Variants in ENKUR observed in about 807,000 individuals in gnomAD.
The protein encoded by ENKUR is enkurin.
Under a neutral mutation model 27.6 loss-of-function variants are expected in ENKUR, and 19 were observed. The ratio of observed to expected loss-of-function variants is 0.69; its 90% CI spans 0.48 to 1.01. ENKUR has a LOEUF of 1.01. Among genes scored for constraint, ENKUR ranks in the 50% least tolerant of loss-of-function variants. The probability of loss-of-function intolerance (pLI) is 0.00; values close to 1 mark genes in which losing one functional copy is unlikely to be tolerated. For missense variants in ENKUR, 312 were observed against 310.5 expected (o/e 1.00, Z -0.04); for synonymous variants, 117 against 96.9 (o/e 1.21, Z -1.22).
intron 4 of ENKUR, among the ~76,000 whole-genome samples, chr10:24,989,596 A>G (rs1476757718): frequency 6.6e-6 from 1 of 152,246 alleles, no homozygotes; most frequent in Non-Finnish European, 1.5e-5. Flanking sequence ...AGATATTTTA[A>G]AAAATCTTAT....
chr10:25,045,435 A>T (rs974553051), intron 2 of ENKUR, among the ~76,000 whole-genome samples: 1 of 152,228 alleles, frequency 6.6e-6, no homozygotes, highest in Non-Finnish European at 1.5e-5. Flanking sequence ...TAGTGAGAAA[A>T]ATAATGAGTT....
intron 2 of ENKUR, among the ~76,000 whole-genome samples, chr10:25,030,622 CTTGT>C (rs1463787612): frequency 6.6e-6 from 1 of 152,026 alleles, no homozygotes; most frequent in Non-Finnish European, 1.5e-5. Context: ...AGTCTTTGTG[CTTGT>C]TTGTTTTGCT....
chr10:25,024,767 TAGC>T, intron 2 of ENKUR: 1 of 1,614,228 alleles, frequency 6.2e-7, no homozygotes, highest in Non-Finnish European at 8.5e-7. Context: ...GGTAACATTT[TAGC>T]AGCAGTGTAT....
chr10:25,009,785 TAA>T (rs1366713704), intron 1 of ENKUR, among the ~76,000 whole-genome samples: 1 of 152,146 alleles, frequency 6.6e-6, no homozygotes, highest in Non-Finnish European at 1.5e-5. Flanking sequence ...GATGGTTTTA[TAA>T]AGAGGCGTTC....
chr10:25,024,054 C>T lies in ENKUR; in HGVS notation c.38-28185G>A, dbSNP rs139320391. The T allele has an allele frequency of 4.8e-4, 770 of 1,614,064 alleles. 2 individuals are homozygous for T. The highest frequency in any genetic ancestry group is 6.8e-4 in the Admixed American group (41 of 60,010). ...CAAAGGAGTTTCCAAAATTAAGCTG[C>T]GGGGAGTGGAAAAGCCTAGTAGGAG... On this transcript the variant is annotated intron_variant, in intron 2 of 5. Coordinates refer to the ENKUR transcript ENST00000615958.
chr10:25,044,667 G>A (rs959537832), intron 2 of ENKUR, among the ~76,000 whole-genome samples: 1 of 152,210 alleles, frequency 6.6e-6, no homozygotes, highest in Non-Finnish European at 1.5e-5. Context: ...AAAGTGCTGG[G>A]ATTACAGGCA....
At chr10:25,024,080 C>G in intron 2 of ENKUR, 1 of 1,614,188 alleles carries the variant, frequency 6.2e-7, no homozygotes, top group Non-Finnish European at 8.5e-7. Flanking sequence ...CTAGTAGGAG[C>G]AACCTACGTA....
upstream of ENKUR, among the ~76,000 whole-genome samples, chr10:25,018,753 A>G (rs566115932): frequency 6.6e-6 from 1 of 151,962 alleles, no homozygotes; most frequent in East Asian, 1.9e-4. Context: ...TGGAAGGTAA[A>G]TAAACCCTTT....
intron 2 of ENKUR, among the ~76,000 whole-genome samples, chr10:25,041,846 G>A (rs989040227): frequency 2.0e-5 from 3 of 151,998 alleles, no homozygotes; most frequent in Admixed American, 6.6e-5. Flanking sequence ...AAAAATGCCA[G>A]GGTCATGAAA....
chr10:25,027,079 G>C (rs1850867054), intron 2 of ENKUR, among the ~76,000 whole-genome samples: 1 of 151,936 alleles, frequency 6.6e-6, no homozygotes, highest in African/African-American at 2.4e-5. Flanking sequence ...ATTTTGCTTG[G>C]CATGGTGGCT....
Position 25,060,413 on chromosome 10 carries a change from A to C in ENKUR, c.37+699T>G, listed in dbSNP as rs906862597. On this transcript the variant is annotated intron_variant, in intron 2 of 5. Transcript: ENST00000615958. ...TTCTCAAATAGATCCGCAGCAGAAA[A>C]CACAGTTCTCATCCTCAACAGGTAA... is the stretch of plus-strand genomic sequence containing the variant. Among the ~76,000 whole-genome samples, 4 of 152,162 alleles carry C rather than the reference A, an allele frequency of 2.6e-5. No individual in the cohort carries two copies. The East Asian group carries it at 7.7e-4, about 29-fold the overall frequency.
intron 2 of ENKUR, among the ~76,000 whole-genome samples, chr10:25,045,382 A>C (rs1216972616): frequency 6.6e-6 from 1 of 152,200 alleles, no homozygotes; most frequent in Non-Finnish European, 1.5e-5. Flanking sequence ...AAGTAAGAGG[A>C]TAATATGATA....
In ENKUR at chr10:25,016,062, C is replaced by A. The variant is rs570245007; in HGVS notation, c.-126G>T. 1,793 of 1,428,724 alleles carry A rather than the reference C, an allele frequency of 1.3e-3. 47 individuals carry two copies. In the South Asian group the frequency reaches 0.027, roughly 21 times the overall value. The allele number at this position is 1,428,724 out of a possible 1,614,324, so 88.5% of individuals were successfully genotyped here. A position where few individuals can be genotyped will look rare whatever the true frequency, so the allele number is the denominator to read the frequency against. ...CGCCTTCTGAAGGACCACAGGTTCT[C>A]TCCTTCACATCGTCCCCCTTTAACC... is the stretch of plus-strand genomic sequence containing the variant. On this transcript the variant is annotated 5_prime_UTR_variant, in exon 1 of 6. Transcript: ENST00000331161.
At position 24,984,576 on chromosome 10, in the gene ENKUR, A is replaced by G. The variant is rs141797019; in HGVS notation, c.764+160T>C. The G allele has an allele frequency of 8.4e-5, 85 of 1,011,146 alleles. No homozygotes were observed. In the African/African-American group the frequency reaches 1.2e-3, roughly 15 times the overall value. 62.6% of individuals were successfully genotyped at this position (1,011,146 alleles called of 1,614,324 possible). ...ACAAAATTTCTTCTTGTGTAAGTGA[A>G]TAACTCAATTATTCTTTGCATATTG... On this transcript the variant is annotated intron_variant, in intron 5 of 5. Transcript: ENST00000331161.
chr10:25,024,769 G>C (rs1564350563), intron 2 of ENKUR: 2 of 1,614,130 alleles, frequency 1.2e-6, no homozygotes, highest in Non-Finnish European at 1.7e-6. Flanking sequence ...TAACATTTTA[G>C]CAGCAGTGTA....
At chr10:25,013,774 C>T (rs1487072492) in intron 1 of ENKUR, among the ~76,000 whole-genome samples, 1 of 152,054 alleles carries the variant, frequency 6.6e-6, no homozygotes, top group Non-Finnish European at 1.5e-5. Flanking sequence ...GAAACCCCAT[C>T]CCTACTAAAA....
chr10:25,024,661 GTAGT>G, intron 2 of ENKUR: 6 of 1,614,200 alleles, frequency 3.7e-6, no homozygotes, highest in Non-Finnish European at 4.2e-6. Context: ...ACTTCCGCAG[GTAGT>G]TTATCATGCT....
At chr10:24,991,708 G>T (rs1849933199) in intron 3 of ENKUR, among the ~76,000 whole-genome samples, 1 of 152,162 alleles carries the variant, frequency 6.6e-6, no homozygotes, top group African/African-American at 2.4e-5. Flanking sequence ...CCAAGCCCAC[G>T]TGTGATCCAA....
intron 4 of ENKUR, among the ~76,000 whole-genome samples, chr10:24,988,792 G>T (rs1219929376): frequency 6.9e-6 from 1 of 145,010 alleles, no homozygotes; most frequent in African/African-American, 2.6e-5. Flanking sequence ...GGTATAATGA[G>T]ACTGTTATTT....
Sources: gnomAD v4.1 joint callset for allele counts (sites outside exome capture counted in the v4.1 genomes callset) on GRCh38, gnomAD v4.1.1 for gene constraint, MANE v1.5 for transcripts, NCBI Gene and HGNC (gene_info 2026-07-23, HGNC 2026-07-21) for gene names.